The following ANP32A variants were observed in gnomAD, a reference collection of about 807,000 sequenced individuals.
ANP32A encodes the protein acidic nuclear phosphoprotein 32 family member A, also known as acidic leucine-rich nuclear phosphoprotein 32 family member A.
Under a neutral mutation model 33.9 loss-of-function variants are expected in ANP32A, and 1 was observed. The observed-to-expected ratio is 0.03, with a 90% confidence interval of 0.01 to 0.14. ANP32A has a LOEUF of 0.14. Among genes scored for constraint, ANP32A ranks in the 10% least tolerant of loss-of-function variants. The pLI is 1.00. For synonymous variants in ANP32A, 115 were observed against 120.5 expected (o/e 0.95, Z 0.30); for missense variants, 155 against 306.0 (o/e 0.51, Z 3.68).
chr15:68,817,195 G>A (rs1414196876), intron 1 of ANP32A, among the ~76,000 whole-genome samples: 1 of 152,222 alleles, frequency 6.6e-6, no homozygotes, highest in East Asian at 1.9e-4. Context: ...AACATCCGGA[G>A]AAAGGCGGTT....
intron 1 of ANP32A, among the ~76,000 whole-genome samples, chr15:68,819,916 G>GA (rs1188596243): frequency 1.4e-4 from 22 of 152,222 alleles, no homozygotes; most frequent in Admixed American, 7.2e-4. Flanking sequence ...AGGTGGGGTG[G>GA]AAAGAGTGAG....
chr15:68,793,691 G>C (rs1894027178), intron 1 of ANP32A, among the ~76,000 whole-genome samples: 1 of 152,190 alleles, frequency 6.6e-6, no homozygotes. Flanking sequence ...GGACCCAGAA[G>C]GACCAACGGA....
rs1432619633 is a variant in ANP32A at position 68,780,097 on chromosome 15, C to T, written c.734G>A (p.Gly245Glu). 4 of 1,613,690 alleles carry T rather than the reference C, an allele frequency of 2.5e-6. No homozygotes were observed. Among genetic ancestry groups the T allele is most frequent in the Non-Finnish European group, 3.4e-6 (4 of 1,179,688 alleles). ...QKRKREPEDE[G>E]EDDD is the part of the protein sequence containing the mutation. ...TTATTCCACTTAGTCATCATCTTCTCCCTCATCTTCAGGTTCTCGTTTTCG... is the reference window on the plus strand; with the variant it reads ...TTATTCCACTTAGTCATCATCTTCTTCCTCATCTTCAGGTTCTCGTTTTCG... The change falls in exon 7 of 7, where the codon GGA becomes GAA. Residue 245 changes from glycine (G) to glutamate (E), a missense_variant. Gly to Glu is a moderately conservative substitution (Grantham distance 98). Transcript: ENST00000465139. This position sits in a 1 kb window ranked among gnomAD's most constrained non-coding sequence, Gnocchi z 4.3.
Position 68,778,564 on chromosome 15 carries a change from C to G in ANP32A, c.*1517G>C. The G allele has an allele frequency of 6.6e-6, 1 of 152,142 alleles. No individual in the cohort carries two copies. Among genetic ancestry groups the G allele is most frequent in the East Asian group, 1.9e-4 (1 of 5,188 alleles). The allele number at this position is 152,142 out of a possible 1,614,324, so 9.4% of individuals were successfully genotyped here. Reference sequence around the variant, plus strand: ...TGAAATAATTTGTTTTATAAACATTCCTGAGTTTTCAACCATACATTCTTT... The same window carrying G: ...TGAAATAATTTGTTTTATAAACATTGCTGAGTTTTCAACCATACATTCTTT... On this transcript the variant is annotated 3_prime_UTR_variant, in exon 7 of 7. Transcript: ENST00000465139.
intron 1 of ANP32A, chr15:68,790,742 G>A (rs1416319105): frequency 6.6e-6 from 1 of 152,190 alleles, no homozygotes; most frequent in Admixed American, 6.5e-5. Flanking sequence ...CAGGTGGCTA[G>A]TGTTAGCCAC....
In ANP32A at chr15:68,802,998, T is replaced by C. The variant is rs141371284; in HGVS notation, c.55-15079A>G. 7.4e-3 allele frequency among the ~76,000 whole-genome samples: 1,131 copies of C among 152,174 alleles called. 24 individuals are homozygous for C. Among genetic ancestry groups the C allele is most frequent in the African/African-American group, 0.026 (1,076 of 41,492 alleles). ...GTCTAAGTTACTTAACCTCCATTCA[T>C]TCAATACACGCTCCTCAGAACTACT... On this transcript the variant is annotated intron_variant, in intron 1 of 6. Transcript: ENST00000465139.
At chr15:68,797,779 C>G (rs952291227) in intron 1 of ANP32A, among the ~76,000 whole-genome samples, 1 of 152,200 alleles carries the variant, frequency 6.6e-6, no homozygotes, top group East Asian at 1.9e-4. Flanking sequence ...TCCACCAGGG[C>G]CCTGAATGCT....
chr15:68,786,086 T>C (rs1301566155), intron 3 of ANP32A, among the ~76,000 whole-genome samples: 2 of 152,066 alleles, frequency 1.3e-5, no homozygotes, highest in African/African-American at 2.4e-5. Context: ...TGAGCATCCA[T>C]GGAGAGCAAG....
chr15:68,780,000 G>T lies in ANP32A; in HGVS notation c.*81C>A. 7.5e-7 allele frequency: 1 copy of T among 1,341,774 alleles called. No homozygotes were observed. Among genetic ancestry groups the T allele is most frequent in the Non-Finnish European group, 1.0e-6 (1 of 959,116 alleles). 83.1% of individuals were successfully genotyped at this position (1,341,774 alleles called of 1,614,324 possible). On this transcript the variant is annotated 3_prime_UTR_variant, in exon 7 of 7. Coordinates refer to ENST00000465139, the MANE Select transcript of ANP32A (RefSeq NM_006305.4). ...AGAAAAAAATAAGTTTCAGGGGGCA[G>T]GATTGGAGGGGGGGGGGAGAGGGGA... is the stretch of plus-strand genomic sequence containing the variant.
chr15:68,820,598 G>GC (rs199881334), intron 1 of ANP32A, 100 bp downstream of exon 1: 7 of 341,700 alleles, frequency 2.0e-5, no homozygotes, highest in Middle Eastern at 7.8e-4. Context: ...CCTCCCGGGC[G>GC]CCCCCCCCCA....
At chr15:68,792,694 A>C (rs1159682090) in intron 1 of ANP32A, among the ~76,000 whole-genome samples, 1 of 152,106 alleles carries the variant, frequency 6.6e-6, no homozygotes, top group Non-Finnish European at 1.5e-5. Flanking sequence ...TTTTGCCTCC[A>C]CACCAGGTCT....
chr15:68,809,572 G>A (rs780126691), intron 1 of ANP32A, among the ~76,000 whole-genome samples: 2 of 152,164 alleles, frequency 1.3e-5, no homozygotes, highest in Non-Finnish European at 2.9e-5. Context: ...CTGGGGCTCA[G>A]GTTCAAATTG....
intron 1 of ANP32A, among the ~76,000 whole-genome samples, chr15:68,805,471 G>A (rs566451368): frequency 6.6e-6 from 1 of 152,356 alleles, no homozygotes; most frequent in East Asian, 1.9e-4. Flanking sequence ...ATCTTTCAAA[G>A]GGCTGAGTCT....
intron 1 of ANP32A, among the ~76,000 whole-genome samples, chr15:68,808,331 G>C (rs886189175): frequency 1.3e-5 from 2 of 151,548 alleles, no homozygotes; most frequent in Non-Finnish European, 2.9e-5. Context: ...CCACAGCTGG[G>C]GTTGAAATCG....
Position 68,792,524 on chromosome 15 carries a change from G to A in ANP32A, c.55-4605C>T, listed in dbSNP as rs148199955. 1.2e-3 allele frequency among the ~76,000 whole-genome samples: 186 copies of A among 152,344 alleles called. 3 individuals are homozygous for A. In the East Asian group the frequency reaches 0.033, roughly 27 times the overall value. On this transcript the variant is annotated intron_variant, in intron 1 of 6. Coordinates refer to ENST00000465139, the MANE Select transcript of ANP32A (RefSeq NM_006305.4). ...CAGTCATTTTTCACCAATGGGACCT[G>A]AAAATTCCATGATAAACACAAATAC...
chr15:68,795,844 C>T (rs1464064142), intron 1 of ANP32A, among the ~76,000 whole-genome samples: 1 of 152,184 alleles, frequency 6.6e-6, no homozygotes, highest in Non-Finnish European at 1.5e-5. Flanking sequence ...CCTGTCAGTT[C>T]TACCTCCCGC....
Position 68,820,814 on chromosome 15 carries a change from C to A in ANP32A, c.-63G>T. 1 of 1,601,836 alleles carries A rather than the reference C, an allele frequency of 6.2e-7. No homozygotes were observed. Among genetic ancestry groups the A allele is most frequent in the East Asian group, 2.2e-5 (1 of 44,756 alleles). ...CGGAATTCAATCAATAAACCCCGAACCCACGGCCGCGCGTTTTAGGACTTT... is the reference window on the plus strand; with the variant it reads ...CGGAATTCAATCAATAAACCCCGAAACCACGGCCGCGCGTTTTAGGACTTT... On this transcript the variant is annotated 5_prime_UTR_variant, in exon 1 of 7. Transcript: ENST00000465139.
intron 1 of ANP32A, among the ~76,000 whole-genome samples, chr15:68,806,187 T>C (rs1431277932): frequency 6.6e-6 from 1 of 152,186 alleles, no homozygotes; most frequent in Non-Finnish European, 1.5e-5. Context: ...TTTGTGGCAG[T>C]AATAAGCCTC....
chr15:68,789,236 C>T (rs1893970723), intron 1 of ANP32A: 1 of 152,874 alleles, frequency 6.5e-6, no homozygotes, highest in African/African-American at 2.4e-5. Flanking sequence ...TGCCAGGAAA[C>T]ACTTACCAAT....
Sources: gnomAD v4.1 joint callset for allele counts (sites outside exome capture counted in the v4.1 genomes callset) on GRCh38, gnomAD v4.1.1 for gene constraint, Gnocchi (gnomAD v3.1) non-coding constraint, MANE v1.5 for transcripts, NCBI Gene and HGNC (gene_info 2026-07-23, HGNC 2026-07-21) for gene names.